Variants in YES1 observed in about 807,000 individuals in gnomAD.
The protein encoded by YES1 is tyrosine-protein kinase Yes.
A neutral mutation model predicts 70.4 loss-of-function variants in YES1; 39 were observed. That is an observed-to-expected ratio of 0.55 (90% CI 0.43 to 0.72). YES1 has a LOEUF of 0.72. YES1 is among the 30% of genes least tolerant of loss of function. The pLI is 0.00. For synonymous variants in YES1, 198 were observed against 218.6 expected (o/e 0.91, Z 0.83); for missense variants, 495 against 644.8 (o/e 0.77, Z 2.52).
chr18:760,509 C>CA (rs1188572230), intron 1 of YES1, among the ~76,000 whole-genome samples: 2 of 151,906 alleles, frequency 1.3e-5, no homozygotes, highest in African/African-American at 4.8e-5. Context: ...ACAAAAACCC[C>CA]AAAAAACCGC....
intron 1 of YES1, among the ~76,000 whole-genome samples, chr18:763,423 G>A (rs1029053771): frequency 6.6e-6 from 1 of 152,096 alleles, no homozygotes; most frequent in Non-Finnish European, 1.5e-5. Context: ...AGCCAGGTGT[G>A]GCGGCTCATG....
rs550394545 is a variant in YES1, at chr18:736,757, T to G, written c.1291+51A>C. 4.4e-6 allele frequency: 7 copies of G among 1,582,596 alleles called. No individual in the cohort carries two copies. In the South Asian group the frequency reaches 5.9e-5, roughly 13 times the overall value. On this transcript the variant is annotated intron_variant, in intron 10 of 11. Coordinates refer to ENST00000314574, the MANE Select transcript of YES1 (RefSeq NM_005433.4). ...GGAAAACCCTGTATAGTCAAGAGAG[T>G]TAAGCAAAACACACAACACATTACA...
rs201761609 is a variant in YES1 at position 785,825 on chromosome 18, T to C, written c.-9+26289A>G. On this transcript the variant is annotated intron_variant, in intron 1 of 11. Coordinates refer to ENST00000314574, the MANE Select transcript of YES1 (RefSeq NM_005433.4). ...GCTGTTGAGCACCAGTAGTCCCAGC[T>C]ACTTGGGAGGCTGAAGTAGGGAGGA... Among the ~76,000 whole-genome samples the C allele has an allele frequency of 6.6e-5, 10 of 150,584 alleles. No homozygotes were observed. In the East Asian group the frequency reaches 2.0e-3, roughly 29 times the overall value.
At chr18:768,035 T>C (rs1357148857) in intron 1 of YES1, among the ~76,000 whole-genome samples, 2 of 152,204 alleles carry the variant, frequency 1.3e-5, no homozygotes, top group Non-Finnish European at 2.9e-5. Context: ...TTAAATACTC[T>C]AGGGCAGGGT....
intron 1 of YES1, among the ~76,000 whole-genome samples, chr18:781,891 A>C (rs887538433): frequency 6.6e-6 from 1 of 152,210 alleles, no homozygotes; most frequent in African/African-American, 2.4e-5. Flanking sequence ...TTATGGCTTC[A>C]AGGACAGAAT....
Position 743,285 on chromosome 18 carries a change from T to C in YES1, c.855A>G (p.Gln285=). 1 of 1,612,120 alleles carries C rather than the reference T, an allele frequency of 6.2e-7. No homozygotes were observed. Among genetic ancestry groups the C allele is most frequent in the Non-Finnish European group, 8.5e-7 (1 of 1,179,896 alleles). The change falls in exon 7 of 12, where the codon CAA becomes CAG. Residue 285 remains glutamine (Q), a synonymous_variant. Coordinates refer to ENST00000314574, the MANE Select transcript of YES1 (RefSeq NM_005433.4). ...ESLRLEVKLG[Q]GCFGEVWMGT... ...CCATCCACACTTCGCCGAAACATCC[T>C]TGTCCTAGTTTAACCTCTAGTCGCA...
intron 11 of YES1, among the ~76,000 whole-genome samples, chr18:726,084 C>T (rs1038681902): frequency 3.9e-5 from 6 of 151,978 alleles, no homozygotes; most frequent in African/African-American, 7.3e-5. Context: ...CCAAATAAGC[C>T]GGAACCTATG....
intron 2 of YES1, among the ~76,000 whole-genome samples, chr18:753,473 T>G (rs527387814): frequency 2.6e-5 from 4 of 152,242 alleles, no homozygotes; most frequent in African/African-American, 9.6e-5. Context: ...TCCCACTGAC[T>G]TGTCAGATCA....
chr18:771,139 C>G (rs370573556), intron 1 of YES1, among the ~76,000 whole-genome samples: 2 of 151,812 alleles, frequency 1.3e-5, no homozygotes, highest in South Asian at 4.2e-4. Context: ...CCCAGGCAGG[C>G]AGATCACTTG....
At chr18:758,672 C>T (rs1904416162) in intron 1 of YES1, among the ~76,000 whole-genome samples, 1 of 152,156 alleles carries the variant, frequency 6.6e-6, no homozygotes, top group South Asian at 2.1e-4. Flanking sequence ...TCTCTTAAAA[C>T]CCACAATATA....
chr18:763,311 G>A (rs1241765605), intron 1 of YES1, among the ~76,000 whole-genome samples: 1 of 152,102 alleles, frequency 6.6e-6, no homozygotes, highest in African/African-American at 2.4e-5. Context: ...TAATAACTAT[G>A]ACAAAAGGAT....
intron 8 of YES1, among the ~76,000 whole-genome samples, chr18:741,389 T>C (rs2145702208): frequency 6.6e-6 from 1 of 152,240 alleles, no homozygotes; most frequent in South Asian, 2.1e-4. Context: ...TACATGTGTG[T>C]GCAACCACGT....
At chr18:800,739 A>G (rs1190049583) in intron 1 of YES1, among the ~76,000 whole-genome samples, 1 of 152,230 alleles carries the variant, frequency 6.6e-6, no homozygotes, top group Non-Finnish European at 1.5e-5. Flanking sequence ...TCTTCCAGTG[A>G]TGTTCATATA....
At chr18:778,902 G>A (rs925765579) in intron 1 of YES1, among the ~76,000 whole-genome samples, 3 of 152,160 alleles carry the variant, frequency 2.0e-5, no homozygotes, top group African/African-American at 7.2e-5. Context: ...AAGAGTCGAA[G>A]GAGAAAAGAA....
intron 6 of YES1, among the ~76,000 whole-genome samples, chr18:745,197 A>C (rs1306127149): frequency 1.3e-5 from 2 of 152,172 alleles, no homozygotes; most frequent in East Asian, 1.9e-4. Context: ...TTCTAATATT[A>C]AATACCTTCA....
intron 3 of YES1, among the ~76,000 whole-genome samples, chr18:750,792 G>A (rs2080333029): frequency 6.6e-6 from 1 of 152,116 alleles, no homozygotes; most frequent in African/African-American, 2.4e-5. Flanking sequence ...TTTGAAGGGT[G>A]AGTAGGATTA....
chr18:803,822 A>C (rs1351112517), intron 1 of YES1, among the ~76,000 whole-genome samples: 1 of 152,206 alleles, frequency 6.6e-6, no homozygotes, highest in Non-Finnish European at 1.5e-5. Context: ...GTTAACAAAA[A>C]CCAGGCAAAA....
intron 1 of YES1, among the ~76,000 whole-genome samples, chr18:758,295 G>A (rs905296031): frequency 6.6e-6 from 1 of 152,044 alleles, no homozygotes; most frequent in African/African-American, 2.4e-5. Context: ...ACATTTCAAG[G>A]GCTCAAGAGT....
chr18:747,905 G>C lies in YES1; in HGVS notation c.470+15C>G. The stretch of plus-strand genomic sequence containing the variant: ...AAAATCAAAATAATTAATAAAATAT[G>C]AAGTAGTGCCATACTCTTCTGCCTG... On this transcript the variant is annotated intron_variant, in intron 4 of 11. Transcript: ENST00000314574. The C allele has an allele frequency of 6.2e-7, 1 of 1,606,360 alleles. No homozygotes were observed. Among genetic ancestry groups the C allele is most frequent in the Non-Finnish European group, 8.5e-7 (1 of 1,175,642 alleles).
Sources: allele counts gnomAD v4.1 joint callset (sites outside exome capture counted in the v4.1 genomes callset), GRCh38; gene constraint gnomAD v4.1.1; transcripts MANE v1.5; gene names NCBI Gene and HGNC (gene_info 2026-07-23, HGNC 2026-07-21).